The following SOS1 variants were observed in gnomAD, a reference collection of about 807,000 sequenced individuals.
SOS1 encodes son of sevenless homolog 1.
In SOS1, 25 loss-of-function variants were observed where a neutral mutation model predicts 157.6. That is an observed-to-expected ratio of 0.16 (90% CI 0.12 to 0.22). The LOEUF is 0.22. Ranked by LOEUF, SOS1 falls within the 10% of genes least tolerant of loss-of-function variation. SOS1 has a pLI of 1.00. For synonymous variants in SOS1, 528 were observed against 534.0 expected, an observed-to-expected ratio of 0.99 and a Z score of 0.16; for missense variants, 1,237 against 1,599.1, an observed-to-expected ratio of 0.77 and a Z score of 3.86.
rs577726966 is a variant in SOS1 at position 39,011,041 on chromosome 2, G to T, written c.2391-338C>A. 8.6e-5 allele frequency among the ~76,000 whole-genome samples: 13 copies of T among 151,712 alleles called. No individual in the cohort carries two copies. In the South Asian group the frequency reaches 2.5e-3, roughly 29 times the overall value. On this transcript the variant is annotated intron_variant, in intron 14 of 22. Coordinates refer to ENST00000402219, the MANE Select transcript of SOS1 (RefSeq NM_005633.4). Reference sequence around the variant, plus strand: ...CTCTTGGGTAGCTGGGATTACAGGCGCCCGTCATCATGCCTGGCTAATTTT... The same window carrying T: ...CTCTTGGGTAGCTGGGATTACAGGCTCCCGTCATCATGCCTGGCTAATTTT...
chr2:38,986,530 A>G lies in SOS1; in HGVS notation c.3511-215T>C, dbSNP rs1031104764. Among the ~76,000 whole-genome samples the G allele has an allele frequency of 5.3e-5, 8 of 151,974 alleles. No individual in the cohort carries two copies. In the East Asian group the frequency reaches 9.7e-4, roughly 18 times the overall value. ...GCCCAGACTGGAGTGCAGTGGTGCAATCATGGCTCACTGTAGCCTCAACTT... is the reference window on the plus strand; with the variant it reads ...GCCCAGACTGGAGTGCAGTGGTGCAGTCATGGCTCACTGTAGCCTCAACTT... On this transcript the variant is annotated intron_variant, in intron 22 of 22. Coordinates refer to ENST00000402219, the MANE Select transcript of SOS1 (RefSeq NM_005633.4).
chr2:39,057,309 G>A (rs1404514180), intron 3 of SOS1, among the ~76,000 whole-genome samples: 1 of 152,104 alleles, frequency 6.6e-6, no homozygotes, highest in Non-Finnish European at 1.5e-5. Context: ...AAGGGAAGAT[G>A]AGCTCCCCAA....
intron 9 of SOS1, 126 bp from the exon 10 acceptor site, chr2:39,023,351 A>C: frequency 1.6e-6 from 1 of 627,346 alleles, no homozygotes; most frequent in Non-Finnish European, 2.6e-6. Context: ...TAATTCCCCA[A>C]ATAGATTAGA....
intron 6 of SOS1, among the ~76,000 whole-genome samples, chr2:39,045,569 T>G (rs955769832): frequency 1.3e-5 from 2 of 152,198 alleles, no homozygotes; most frequent in African/African-American, 4.8e-5. Flanking sequence ...TGTAATTTTA[T>G]CAGTTAATTT....
intron 2 of SOS1, among the ~76,000 whole-genome samples, chr2:39,059,188 T>C (rs2124611673): frequency 6.6e-6 from 1 of 152,298 alleles, no homozygotes; most frequent in African/African-American, 2.4e-5. Flanking sequence ...TTACTTTCAG[T>C]GGTAATTACA....
intron 10 of SOS1, among the ~76,000 whole-genome samples, chr2:39,021,935 A>C (rs967306147): frequency 2.6e-5 from 4 of 151,834 alleles, no homozygotes; most frequent in African/African-American, 9.7e-5. Context: ...TATATGGAAA[A>C]AAATGACAAT....
In SOS1 at chr2:38,995,401, A is replaced by G. The variant is rs1376438787; in HGVS notation, c.3082-14T>C. ...ATATTTTTTTGGCTGTAGACATATC[A>G]AAAGAAACACAATACTTTAAACACT... On this transcript the variant is annotated splice_polypyrimidine_tract_variant and intron_variant, in intron 19 of 22. Coordinates refer to ENST00000402219, the MANE Select transcript of SOS1 (RefSeq NM_005633.4). The G allele has an allele frequency of 1.9e-6, 3 of 1,608,682 alleles. No homozygotes were observed. The highest frequency in any genetic ancestry group is 2.6e-6 in the Non-Finnish European group (3 of 1,175,468).
intron 20 of SOS1, among the ~76,000 whole-genome samples, chr2:38,991,043 G>A (rs1668717061): frequency 6.6e-6 from 1 of 151,940 alleles, no homozygotes; most frequent in African/African-American, 2.4e-5. Context: ...AGAATCCTAT[G>A]GGAAGTTTTT....
chr2:39,082,197 A>C (rs1355024210), intron 1 of SOS1, among the ~76,000 whole-genome samples: 1 of 152,246 alleles, frequency 6.6e-6, no homozygotes, highest in Non-Finnish European at 1.5e-5. Context: ...CCCCGCTACA[A>C]AACTTGCCTG....
chr2:39,111,775 G>A (rs1021649059), intron 1 of SOS1, among the ~76,000 whole-genome samples: 1 of 150,324 alleles, frequency 6.7e-6, no homozygotes, highest in Non-Finnish European at 1.5e-5. Context: ...TGTTGCCCAG[G>A]CTGGAGTGCA....
At chr2:39,106,813 C>T (rs572429489) in intron 1 of SOS1, among the ~76,000 whole-genome samples, 5 of 152,290 alleles carry the variant, frequency 3.3e-5, no homozygotes, top group African/African-American at 1.2e-4. Context: ...ATCTTCGTGG[C>T]CACATGGTTG....
At position 39,030,212 on chromosome 2, in the gene SOS1, G is replaced by C. The variant is rs542491581; in HGVS notation, c.1074+5000C>G. On this transcript the variant is annotated intron_variant, in intron 8 of 22. Transcript: ENST00000402219. ...AAAAAATATAAGATCAGGATGAAAT[G>C]ATTAATTGGCCTAACACAAAAAAAG... 1.0e-4 allele frequency among the ~76,000 whole-genome samples: 12 copies of C among 114,326 alleles called. 1 individual carries two copies. The South Asian group carries it at 3.4e-3, about 33-fold the overall frequency. 75.0% of individuals were successfully genotyped at this position (114,326 alleles called of 152,430 possible). A position where few individuals can be genotyped will look rare whatever the true frequency, so the allele number is the denominator to read the frequency against.
intron 1 of SOS1, among the ~76,000 whole-genome samples, chr2:39,090,347 G>C (rs558370279): frequency 1.3e-5 from 2 of 152,208 alleles, no homozygotes; most frequent in African/African-American, 4.8e-5. Context: ...CTGGGGGCTG[G>C]TTGACATAGT....
At chr2:39,051,114 A>G (rs1480394947) in intron 6 of SOS1, 30 bp downstream of exon 6, 25 of 1,609,214 alleles carry the variant, frequency 1.6e-5, no homozygotes, top group Non-Finnish European at 2.1e-5. Context: ...TTTTATGCAG[A>G]CTTTTCGGGT....
intron 1 of SOS1, among the ~76,000 whole-genome samples, chr2:39,103,233 CTA>C (rs1223229174): frequency 2.0e-5 from 3 of 152,172 alleles, no homozygotes; most frequent in Non-Finnish European, 2.9e-5. Context: ...TCAATACTAC[CTA>C]GAGCAATGTA....
intron 10 of SOS1, among the ~76,000 whole-genome samples, chr2:39,019,609 G>T (rs1397366172): frequency 6.6e-6 from 1 of 151,532 alleles, no homozygotes; most frequent in Non-Finnish European, 1.5e-5. Context: ...TTCCACCTAA[G>T]ACCCTGTTGC....
chr2:39,033,770 C>G (rs768123686), intron 8 of SOS1, among the ~76,000 whole-genome samples: 2 of 152,180 alleles, frequency 1.3e-5, no homozygotes, highest in Admixed American at 1.3e-4. Flanking sequence ...CACCTGGGCT[C>G]AAGCAATCCT....
intron 12 of SOS1, 31 bp from the exon 13 acceptor site, chr2:39,013,594 G>GTAT (rs776789136): frequency 1.5e-6 from 2 of 1,337,968 alleles, no homozygotes; most frequent in Non-Finnish European, 2.2e-6. Context: ...TGAATTACAT[G>GTAT]GGAATCAAAC....
upstream of SOS1, among the ~76,000 whole-genome samples, chr2:39,123,779 A>T (rs530700968): frequency 1.3e-5 from 2 of 152,374 alleles, no homozygotes; most frequent in Admixed American, 6.5e-5. Flanking sequence ...TGCATGCAGG[A>T]AAGTTCCAGG....
Sources: allele counts gnomAD v4.1 joint callset (sites outside exome capture counted in the v4.1 genomes callset), GRCh38; gene constraint gnomAD v4.1.1; transcripts MANE v1.5; gene names NCBI Gene and HGNC (gene_info 2026-07-23, HGNC 2026-07-21).